The following PTPN12 variants were observed in gnomAD, a reference collection of about 807,000 sequenced individuals.
PTPN12 encodes the protein tyrosine-protein phosphatase non-receptor type 12.
Under a neutral mutation model 97.6 loss-of-function variants are expected in PTPN12, and 29 were observed. That is an observed-to-expected ratio of 0.30 (90% confidence interval 0.22 to 0.41). PTPN12 has a LOEUF of 0.41. Ranked by LOEUF, PTPN12 falls within the 10% of genes least tolerant of loss-of-function variation. PTPN12 has a pLI of 1.00. For missense variants in PTPN12, 819 were observed against 926.0 expected (o/e 0.88, Z 1.50); for synonymous variants, 327 against 300.4 (o/e 1.09, Z -0.91).
chr7:77,561,259 T>C (rs942439818), intron 1 of PTPN12, among the ~76,000 whole-genome samples: 2 of 152,094 alleles, frequency 1.3e-5, no homozygotes, highest in Non-Finnish European at 2.9e-5. Context: ...ATCACAATGG[T>C]TCGAGTGGAT....
intron 5 of PTPN12, among the ~76,000 whole-genome samples, chr7:77,585,929 C>T (rs1787675662): frequency 6.6e-6 from 1 of 152,012 alleles, no homozygotes; most frequent in African/African-American, 2.4e-5. Flanking sequence ...TAGCATTATA[C>T]CTATAAAACA....
intron 1 of PTPN12, among the ~76,000 whole-genome samples, chr7:77,563,733 GA>G (rs923732813): frequency 2.6e-4 from 40 of 151,550 alleles, no homozygotes; most frequent in African/African-American, 8.2e-4. Context: ...ATGCATTTCT[GA>G]AAAAAAAGGG....
At chr7:77,578,898 T>C (rs1233778674) in intron 2 of PTPN12, among the ~76,000 whole-genome samples, 1 of 152,138 alleles carries the variant, frequency 6.6e-6, no homozygotes, top group Admixed American at 6.6e-5. Context: ...GCAGTAACTT[T>C]CCCTTTTGGT....
At chr7:77,608,495 T>G (rs1490774684) in intron 9 of PTPN12, among the ~76,000 whole-genome samples, 1 of 152,256 alleles carries the variant, frequency 6.6e-6, no homozygotes, top group Admixed American at 6.5e-5. Flanking sequence ...CTTCATTATG[T>G]ATACATTTGA....
At chr7:77,632,213 G>T in intron 13 of PTPN12, 135 bp from the exon 14 acceptor site, 1 of 667,724 alleles carries the variant, frequency 1.5e-6, no homozygotes, top group Non-Finnish European at 2.7e-6. Context: ...AGTGGAAAAG[G>T]TTTCTTGCAT....
At chr7:77,581,547 C>T (rs375353270) in intron 3 of PTPN12, 44 bp downstream of exon 3, 1 of 1,226,954 alleles carries the variant, frequency 8.2e-7, no homozygotes, top group African/African-American at 1.6e-5. Flanking sequence ...ATATTAATGT[C>T]TTTCTACATA....
intron 1 of PTPN12, among the ~76,000 whole-genome samples, chr7:77,555,127 T>A (rs1807646707): frequency 6.6e-6 from 1 of 152,186 alleles, no homozygotes; most frequent in Non-Finnish European, 1.5e-5. Context: ...GCCTAGTTTC[T>A]GAAACAGAGT....
intron 13 of PTPN12, among the ~76,000 whole-genome samples, chr7:77,629,546 T>C (rs767079696): frequency 6.6e-6 from 1 of 151,920 alleles, no homozygotes; most frequent in Non-Finnish European, 1.5e-5. Context: ...TGTTGTTTTG[T>C]TCTTTTGCTT....
Position 77,571,148 on chromosome 7 carries a change from A to G in PTPN12, c.170A>G (p.Glu57Gly). Reference sequence around the variant, plus strand: ...CCCACAGCCACTGGAGAAAAAGAAGAAAATGTTAAAAAGAACAGATACAAG... The same window carrying G: ...CCCACAGCCACTGGAGAAAAAGAAGGAAATGTTAAAAAGAACAGATACAAG... ...IYPTATGEKEENVKKNRYKDI... is the reference protein window; with the variant it reads ...IYPTATGEKEGNVKKNRYKDI... Residue 57 changes from glutamate to glycine, a missense_variant, in exon 2 of 18, where the codon GAA becomes GGA. By Grantham distance (98) the Glu-to-Gly change is moderately conservative. Around this residue, in one of 5 missense-constraint regions of PTPN12, gnomAD observed 66 missense variants for 133.6 expected, o/e 0.49. Coordinates refer to ENST00000248594, the MANE Select transcript of PTPN12 (RefSeq NM_002835.4). 6.2e-7 allele frequency: 1 copy of G among 1,604,010 alleles called. No individual in the cohort carries two copies. The highest frequency in any genetic ancestry group is 8.5e-7 in the Non-Finnish European group (1 of 1,174,374).
intron 1 of PTPN12, among the ~76,000 whole-genome samples, chr7:77,549,033 C>T (rs1181704482): frequency 2.0e-5 from 3 of 152,186 alleles, no homozygotes; most frequent in African/African-American, 7.2e-5. Flanking sequence ...GTCTCATTCA[C>T]TTTTATCTCA....
chr7:77,615,327 G>T (rs1021771332), intron 11 of PTPN12, among the ~76,000 whole-genome samples: 20 of 151,636 alleles, frequency 1.3e-4, no homozygotes, highest in African/African-American at 4.9e-4. Context: ...ATTTTCTTCT[G>T]CAGCTGATAA....
chr7:77,613,871 T>C (rs1276185552), intron 11 of PTPN12, among the ~76,000 whole-genome samples: 4 of 152,030 alleles, frequency 2.6e-5, no homozygotes, highest in Admixed American at 2.0e-4. Flanking sequence ...AGTTCTTTTA[T>C]TGCAATATTC....
intron 17 of PTPN12, chr7:77,638,935 A>T: frequency 1.1e-6 from 1 of 945,874 alleles, no homozygotes. Context: ...AGTATAAAAA[A>T]TCTTTTGTGT....
At chr7:77,631,768 A>T (rs985011961) in intron 13 of PTPN12, among the ~76,000 whole-genome samples, 5 of 152,358 alleles carry the variant, frequency 3.3e-5, no homozygotes, top group South Asian at 2.1e-4. Context: ...AAGATTTTTT[A>T]AAAAACTTTA....
Position 77,611,442 on chromosome 7 carries a change from T to G in PTPN12, c.939+396T>G, listed in dbSNP as rs531686898. On this transcript the variant is annotated intron_variant, in intron 11 of 17. Coordinates refer to ENST00000248594, the MANE Select transcript of PTPN12 (RefSeq NM_002835.4). ...TTTTAGTTATTTGTGTATATGCTTT[T>G]CTTTTCTTTTCTTTTTTTTGAGACA... Among the ~76,000 whole-genome samples the G allele has an allele frequency of 9.2e-5, 14 of 152,352 alleles. No homozygotes were observed. The East Asian group carries it at 1.9e-3, about 21-fold the overall frequency.
chr7:77,609,588 GT>G (rs1033664981), intron 9 of PTPN12, among the ~76,000 whole-genome samples: 5 of 148,448 alleles, frequency 3.4e-5, no homozygotes, highest in African/African-American at 1.2e-4. Flanking sequence ...AAGTCTTCAT[GT>G]AAAAATCTTG....
At chr7:77,558,534 GA>G (rs1449983171) in intron 1 of PTPN12, among the ~76,000 whole-genome samples, 1 of 152,236 alleles carries the variant, frequency 6.6e-6, no homozygotes, top group Admixed American at 6.5e-5. Context: ...AACAGATGTG[GA>G]GGGGAGAGAG....
intron 6 of PTPN12, among the ~76,000 whole-genome samples, chr7:77,594,133 G>A (rs912030729): frequency 6.6e-6 from 1 of 152,030 alleles, no homozygotes; most frequent in Admixed American, 6.5e-5. Flanking sequence ...TATTCTTAAG[G>A]TGCTGATTAG....
At position 77,564,748 on chromosome 7, in the gene PTPN12, T is replaced by TTTTTTG. The variant is rs1270795458; in HGVS notation, c.100-6325_100-6324insGTTTTT. Among the ~76,000 whole-genome samples the TTTTTTG allele has an allele frequency of 4.7e-3, 287 of 61,664 alleles. 18 individuals are homozygous for TTTTTTG. The highest frequency in any genetic ancestry group is 0.015 in the East Asian group (27 of 1,810). The allele number at this position is 61,664 out of a possible 152,430, so 40.5% of individuals were successfully genotyped here. A position where few individuals can be genotyped will look rare whatever the true frequency, so the allele number is the denominator to read the frequency against. On this transcript the variant is annotated intron_variant, in intron 1 of 17. Transcript: ENST00000248594. ...TTGTTGTTGTTTTTTGTTGTCGTGT[T>TTTTTTG]TTTTTTTTTTTTTTTTTTTTTTTTT... is the stretch of plus-strand genomic sequence containing the variant.
Sources: gnomAD v4.1 joint callset for allele counts (sites outside exome capture counted in the v4.1 genomes callset) on GRCh38, gnomAD v4.1.1 for gene constraint, gnomAD v4.1.1 regional missense constraint, MANE v1.5 for transcripts, NCBI Gene and HGNC (gene_info 2026-07-23, HGNC 2026-07-21) for gene names.